Variants in EXOC3L4 observed in about 807,000 individuals in gnomAD.
EXOC3L4 encodes the protein exocyst complex component 3-like protein 4.
A neutral mutation model predicts 69.7 loss-of-function variants in EXOC3L4; 62 were observed. That is an observed-to-expected ratio of 0.89 (90% CI 0.72 to 1.10). The LOEUF (loss-of-function observed/expected upper bound fraction) is 1.10. Among genes scored for constraint, EXOC3L4 ranks in the 50% least tolerant of loss-of-function variants. EXOC3L4 has a pLI of 0.00. For missense variants in EXOC3L4, 1,087 were observed against 1,034.8 expected (o/e 1.05, Z -0.69); for synonymous variants, 502 against 464.2 (o/e 1.08, Z -1.05).
At chr14:103,108,568 A>G in intron 11 of EXOC3L4, 51 bp downstream of exon 11, 3 of 1,594,662 alleles carry the variant, frequency 1.9e-6, no homozygotes, top group Non-Finnish European at 2.6e-6. Context: ...TTCAGGGCCA[A>G]GGGGGCTGGT....
intron 1 of EXOC3L4, among the ~76,000 whole-genome samples, chr14:103,096,689 C>T (rs951045707): frequency 6.6e-6 from 1 of 152,216 alleles, no homozygotes; most frequent in East Asian, 1.9e-4. Context: ...CCCAGCTAGG[C>T]TTAGGCATTC....
At position 103,102,422 on chromosome 14, in the gene EXOC3L4, CT is replaced by C. The variant is rs1890249255; in HGVS notation, c.701del (p.Phe234SerfsTer201). The C allele has an allele frequency of 6.6e-7, 1 of 1,526,100 alleles. No homozygotes were observed. The highest frequency in any genetic ancestry group is 8.7e-7 in the Non-Finnish European group (1 of 1,145,334). The allele number at this position is 1,526,100 out of a possible 1,614,324, so 94.5% of individuals were successfully genotyped here. ...AHPSPPDDGD[F>X]LRTPRRWRQH... is the part of the protein sequence containing the mutation. ...ACCCTTCTCCCCCCGACGACGGCGACTTCCTGCGCACGCCGCGCCGCTGGCG... is the reference window on the plus strand; with the variant it reads ...ACCCTTCTCCCCCCGACGACGGCGACTCCTGCGCACGCCGCGCCGCTGGCG... On this transcript the variant is annotated frameshift_variant, in exon 3 of 12. Coordinates refer to ENST00000688303, the MANE Select transcript of EXOC3L4 (RefSeq NM_001077594.2). LOFTEE classifies it high-confidence loss of function.
intron 10 of EXOC3L4, 98 bp downstream of exon 10, chr14:103,107,881 G>T: frequency 2.8e-6 from 4 of 1,429,282 alleles, no homozygotes; most frequent in Non-Finnish European, 3.7e-6. Context: ...GGCAGGAGTG[G>T]TTCTCCCCAC....
At chr14:103,100,701 T>C in intron 2 of EXOC3L4, 88 bp downstream of exon 2, 1 of 1,435,068 alleles carries the variant, frequency 7.0e-7, no homozygotes, top group Non-Finnish European at 9.3e-7. Flanking sequence ...AAGGCTGTCC[T>C]CCCTAGCTCC....
intron 1 of EXOC3L4, among the ~76,000 whole-genome samples, chr14:103,099,272 A>G (rs1022563681): frequency 3.9e-5 from 6 of 152,176 alleles, no homozygotes; most frequent in African/African-American, 1.2e-4. Flanking sequence ...ACCTAAAGCC[A>G]GGAAAGCAAA....
In EXOC3L4 at chr14:103,110,351, C is replaced by T. The variant is rs532040140; in HGVS notation, c.*128C>T. On this transcript the variant is annotated 3_prime_UTR_variant, in exon 12 of 12. Transcript: ENST00000688303. ...GACACTGCAGTTAGGGAATTTTTGT[C>T]GTCAGCAGCCAAGCGCAGCTGTCAG... is the stretch of plus-strand genomic sequence containing the variant. 5.7e-5 allele frequency: 65 copies of T among 1,148,078 alleles called. No individual in the cohort carries two copies. The highest frequency in any genetic ancestry group is 3.7e-4 in the African/African-American group (24 of 65,366). 71.1% of individuals were successfully genotyped at this position (1,148,078 alleles called of 1,614,324 possible). A position where few individuals can be genotyped will look rare whatever the true frequency, so the allele number is the denominator to read the frequency against.
chr14:103,099,621 C>T (rs532796550), intron 1 of EXOC3L4, among the ~76,000 whole-genome samples: 71 of 152,360 alleles, frequency 4.7e-4, no homozygotes, highest in African/African-American at 1.6e-3. Flanking sequence ...CACACCTCCT[C>T]GGCGGGCTCT....
At chr14:103,105,154 G>A (rs1890471148) in intron 7 of EXOC3L4, 82 bp downstream of exon 7, 1 of 1,419,134 alleles carries the variant, frequency 7.0e-7, no homozygotes, top group East Asian at 2.3e-5. Flanking sequence ...GGAGGGGAGT[G>A]CGCGCGCGTG....
chr14:103,094,567 G>A (rs962431666), upstream of EXOC3L4, among the ~76,000 whole-genome samples: 1 of 150,970 alleles, frequency 6.6e-6, no homozygotes, highest in Non-Finnish European at 1.5e-5. Flanking sequence ...GCCCTGAGCT[G>A]TCTGGAATGG....
intron 1 of EXOC3L4, 172 bp from the exon 2 acceptor site, chr14:103,100,032 C>T (rs189389269): frequency 2.7e-4 from 182 of 664,428 alleles, no homozygotes; most frequent in Non-Finnish European, 4.1e-4. Context: ...TGCGGCCTGG[C>T]ACACTGAGGG....
rs143489829 is a variant in EXOC3L4, at chr14:103,100,307, C to T, written c.88C>T (p.Arg30Trp). 6.7e-4 allele frequency: 1,059 copies of T among 1,583,946 alleles called. 8 individuals are homozygous for T. Among genetic ancestry groups the T allele is most frequent in the South Asian group, 5.3e-3 (461 of 87,496 alleles). The change falls in exon 2 of 12, where the codon CGG becomes TGG. Residue 30 changes from arginine to tryptophan, a missense_variant. Coordinates refer to ENST00000688303, the MANE Select transcript of EXOC3L4 (RefSeq NM_001077594.2). Reference sequence around the variant, plus strand: ...GCCACAGACTCCAGCTCAGGGCTCCCGGCGAACAAGCAGCAGGAAAGAGCC... The same window carrying T: ...GCCACAGACTCCAGCTCAGGGCTCCTGGCGAACAAGCAGCAGGAAAGAGCC... Reference protein sequence around the residue: ...EEPQTPAQGSRRTSSRKEPNA... With the variant: ...EEPQTPAQGSWRTSSRKEPNA...
In EXOC3L4 at chr14:103,100,288, G is replaced by A; in HGVS notation, c.69G>A (p.Gln23=). The change falls in exon 2 of 12, where the codon CAG becomes CAA. Residue 23 remains glutamine, a synonymous_variant. Coordinates refer to ENST00000688303, the MANE Select transcript of EXOC3L4 (RefSeq NM_001077594.2). ...LQSPKEAEEP[Q]TPAQGSRRTS... is the part of the protein sequence containing the mutation. ...GTCCCAAGGAGGCTGAGGAGCCACAGACTCCAGCTCAGGGCTCCCGGCGAA... is the reference window on the plus strand; with the variant it reads ...GTCCCAAGGAGGCTGAGGAGCCACAAACTCCAGCTCAGGGCTCCCGGCGAA... 1 of 1,580,018 alleles carries A rather than the reference G, an allele frequency of 6.3e-7. No homozygotes were observed. The highest frequency in any genetic ancestry group is 1.1e-5 in the South Asian group (1 of 87,056).
chr14:103,100,587 C>G lies in EXOC3L4; in HGVS notation c.368C>G (p.Ala123Gly). ...AGCCAGCAGGCATCCACTGGGGCAG[C>G]GTCTGAGGAACTGAAACCCGAGGCA... is the stretch of plus-strand genomic sequence containing the variant. ...GVSQQASTGA[A>G]SEELKPEAEG... is the part of the protein sequence containing the mutation. The change falls in exon 2 of 12, where the codon GCG becomes GGG. Residue 123 changes from alanine to glycine, a missense_variant. Ala to Gly is a moderately conservative substitution (Grantham distance 60). Coordinates refer to ENST00000688303, the MANE Select transcript of EXOC3L4 (RefSeq NM_001077594.2). The G allele has an allele frequency of 3.1e-6, 5 of 1,605,164 alleles. No homozygotes were observed. Among genetic ancestry groups the G allele is most frequent in the Non-Finnish European group, 4.3e-6 (5 of 1,173,672 alleles).
At chr14:103,096,404 T>TTTTTTTC (rs1371488127) in intron 1 of EXOC3L4, among the ~76,000 whole-genome samples, 1 of 150,768 alleles carries the variant, frequency 6.6e-6, no homozygotes, top group Non-Finnish European at 1.5e-5. Context: ...CAAGATTCTT[T>TTTTTTTC]TTTTTTTTGC....
At position 103,102,471 on chromosome 14, in the gene EXOC3L4, C is replaced by G; in HGVS notation, c.748C>G (p.Arg250Gly). The G allele has an allele frequency of 2.1e-6, 3 of 1,443,666 alleles. No homozygotes were observed. Among genetic ancestry groups the G allele is most frequent in the Non-Finnish European group, 2.7e-6 (3 of 1,110,408 alleles). The allele number at this position is 1,443,666 out of a possible 1,614,324, so 89.4% of individuals were successfully genotyped here. ...GCGCCAGCACTGGGAGGAGGCGGTG[C>G]GGCGAAGCGCTCAGGAGCGCGTGCG... ...RWRQHWEEAV[R>G]RSAQERVRRP... The change falls in exon 3 of 12, where the codon CGG (arginine) becomes GGG (glycine). Residue 250 changes from arginine (R) to glycine (G), a missense_variant. By Grantham distance (125) the Arg-to-Gly change is moderately radical. Coordinates refer to ENST00000688303, the MANE Select transcript of EXOC3L4 (RefSeq NM_001077594.2).
intron 3 of EXOC3L4, among the ~76,000 whole-genome samples, chr14:103,103,369 A>AAAAAG: frequency 6.9e-6 from 1 of 145,370 alleles, no homozygotes; most frequent in Non-Finnish European, 1.5e-5. Flanking sequence ...AAAAAAAAAA[A>AAAAAG]AAGAAAGAAA....
chr14:103,102,926 G>C lies in EXOC3L4; in HGVS notation c.1049+154G>C, dbSNP rs192727333. On this transcript the variant is annotated intron_variant, in intron 3 of 11. Coordinates refer to ENST00000688303, the MANE Select transcript of EXOC3L4 (RefSeq NM_001077594.2). ...AGGGCTTCGACATGCTTTCCTCGGCGGGTTAGGCCGTGGGGCGCTCCCGCC... is the reference window on the plus strand; with the variant it reads ...AGGGCTTCGACATGCTTTCCTCGGCCGGTTAGGCCGTGGGGCGCTCCCGCC... 6.9e-3 allele frequency among the ~76,000 whole-genome samples: 1,044 copies of C among 152,372 alleles called. 9 individuals carry two copies. The highest frequency in any genetic ancestry group is 0.015 in the South Asian group (74 of 4,834).
At chr14:103,098,023 G>C (rs898606417) in intron 1 of EXOC3L4, among the ~76,000 whole-genome samples, 2 of 152,122 alleles carry the variant, frequency 1.3e-5, no homozygotes, top group African/African-American at 2.4e-5. Context: ...CTTTGGGAAG[G>C]TCGAGAATAG....
At chr14:103,106,439 A>G (rs562465163) in intron 7 of EXOC3L4, among the ~76,000 whole-genome samples, 1 of 152,302 alleles carries the variant, frequency 6.6e-6, no homozygotes, top group East Asian at 1.9e-4. Context: ...TTTCCTCAAC[A>G]GTGAAATAGG....
Sources: allele counts gnomAD v4.1 joint callset (sites outside exome capture counted in the v4.1 genomes callset), GRCh38; gene constraint gnomAD v4.1.1; transcripts MANE v1.5; gene names NCBI Gene and HGNC (gene_info 2026-07-23, HGNC 2026-07-21).